The following GRIA4 variants were observed in gnomAD, a reference collection of about 807,000 sequenced individuals.
GRIA4 encodes the protein glutamate receptor 4.
In GRIA4, 34 loss-of-function variants were observed where a neutral mutation model predicts 104.0. That is an observed-to-expected ratio of 0.33 (90% CI 0.25 to 0.44). The LOEUF (loss-of-function observed/expected upper bound fraction) is 0.44. Among genes scored for constraint, GRIA4 ranks in the 20% least tolerant of loss-of-function variants. The pLI, the probability that GRIA4 is intolerant of heterozygous loss-of-function variation, is 1.00. For synonymous variants in GRIA4, 386 were observed against 381.9 expected, an observed-to-expected ratio of 1.01 and a Z score of -0.13; for missense variants, 750 against 1,096.5, an observed-to-expected ratio of 0.68 and a Z score of 4.46.
At chr11:105,883,588 C>T (rs1197710211) in intron 5 of GRIA4, among the ~76,000 whole-genome samples, 3 of 151,978 alleles carry the variant, frequency 2.0e-5, no homozygotes, top group Non-Finnish European at 4.4e-5. Context: ...CATCCATGTC[C>T]GTGCAAAGGA....
intron 14 of GRIA4, among the ~76,000 whole-genome samples, chr11:105,948,693 C>T (rs1305329514): frequency 6.8e-6 from 1 of 147,818 alleles, no homozygotes; most frequent in Non-Finnish European, 1.5e-5. Flanking sequence ...GCAACCTCCG[C>T]CTCCCGGGTG....
At chr11:105,864,028 A>G (rs1421312117) in intron 5 of GRIA4, among the ~76,000 whole-genome samples, 1 of 152,212 alleles carries the variant, frequency 6.6e-6, no homozygotes, top group Non-Finnish European at 1.5e-5. Flanking sequence ...GCCAAATTCT[A>G]AAAGGTTTCT....
intron 4 of GRIA4, among the ~76,000 whole-genome samples, chr11:105,791,695 C>T (rs546109922): frequency 6.6e-6 from 1 of 151,748 alleles, no homozygotes; most frequent in South Asian, 2.1e-4. Flanking sequence ...AAGGAATGAC[C>T]TAGCTCAACT....
intron 4 of GRIA4, among the ~76,000 whole-genome samples, chr11:105,766,907 C>G (rs1305532962): frequency 6.6e-6 from 1 of 152,144 alleles, no homozygotes; most frequent in Non-Finnish European, 1.5e-5. Flanking sequence ...GTGGCCCTCT[C>G]TGATGAACAC....
chr11:105,768,244 T>C (rs1941044237), intron 4 of GRIA4, among the ~76,000 whole-genome samples: 1 of 152,014 alleles, frequency 6.6e-6, no homozygotes, highest in Non-Finnish European at 1.5e-5. Flanking sequence ...AAGTAAAACA[T>C]ATGCATGTGC....
At chr11:105,917,994 A>G (rs1947459121) in intron 10 of GRIA4, among the ~76,000 whole-genome samples, 1 of 152,150 alleles carries the variant, frequency 6.6e-6, no homozygotes, top group Non-Finnish European at 1.5e-5. Flanking sequence ...GTGTATGCTC[A>G]TTACAACTGG....
chr11:105,904,389 A>G lies in GRIA4; in HGVS notation c.1053+408A>G, dbSNP rs368201667. Among the ~76,000 whole-genome samples, 22 of 152,310 alleles carry G rather than the reference A, an allele frequency of 1.4e-4. No homozygotes were observed. The East Asian group carries it at 3.7e-3, about 25-fold the overall frequency. ...GTTGGGGGCAGGTTTCAAATTGGCA[A>G]TTAAATTCTGTGGCTTGATAATATC... On this transcript the variant is annotated intron_variant, in intron 8 of 16. Transcript: ENST00000282499.
chr11:105,758,698 A>G lies in GRIA4; in HGVS notation c.487+5478A>G, dbSNP rs542150833. Among the ~76,000 whole-genome samples the G allele has an allele frequency of 3.9e-5, 6 of 152,308 alleles. No individual in the cohort carries two copies. The South Asian group carries it at 1.2e-3, about 32-fold the overall frequency. ...ACAGTATGAAACCTATGTCAAAAGT[A>G]TGCTTTACTTAACAGATGTGCTTTA... On this transcript the variant is annotated intron_variant, in intron 4 of 16. Coordinates refer to ENST00000282499, the MANE Select transcript of GRIA4 (RefSeq NM_000829.4).
intron 3 of GRIA4, among the ~76,000 whole-genome samples, chr11:105,745,724 CTAATA>C (rs781474379): frequency 6.6e-6 from 1 of 152,126 alleles, no homozygotes; most frequent in Non-Finnish European, 1.5e-5. Flanking sequence ...TAAAATATCA[CTAATA>C]TGAGGAGGAC....
At chr11:105,945,289 C>A (rs558326036) in intron 14 of GRIA4, among the ~76,000 whole-genome samples, 1 of 152,206 alleles carries the variant, frequency 6.6e-6, no homozygotes, top group Non-Finnish European at 1.5e-5. Flanking sequence ...TTTCCTCTTC[C>A]CCTTTGGCTT....
At chr11:105,843,665 CCTCAGTTCTAGCTAT>C (rs1944473006) in intron 4 of GRIA4, among the ~76,000 whole-genome samples, 1 of 152,146 alleles carries the variant, frequency 6.6e-6, no homozygotes, top group Non-Finnish European at 1.5e-5. Flanking sequence ...AGTTCCTGGC[CCTCAGTTCTAGCTAT>C]CTCAGAGAAT....
intron 4 of GRIA4, among the ~76,000 whole-genome samples, chr11:105,826,350 C>T (rs1401142959): frequency 1.3e-5 from 2 of 152,052 alleles, no homozygotes; most frequent in African/African-American, 2.4e-5. Context: ...CATCTGATTA[C>T]AAGCCAAATC....
At chr11:105,918,475 C>T (rs1947470889) in intron 10 of GRIA4, among the ~76,000 whole-genome samples, 1 of 152,070 alleles carries the variant, frequency 6.6e-6, no homozygotes, top group South Asian at 2.1e-4. Context: ...GTTTTTAATA[C>T]TTTCTCAAAT....
At chr11:105,664,500 A>G (rs1233510516) in intron 3 of GRIA4, among the ~76,000 whole-genome samples, 1 of 151,852 alleles carries the variant, frequency 6.6e-6, no homozygotes, top group East Asian at 1.9e-4. Flanking sequence ...AATTTCATGT[A>G]TAAATGAAGG....
At chr11:105,901,552 T>TTA (rs1176294489) in intron 7 of GRIA4, among the ~76,000 whole-genome samples, 1 of 152,200 alleles carries the variant, frequency 6.6e-6, no homozygotes, top group African/African-American at 2.4e-5. Context: ...GATTCCTGGA[T>TTA]TATAGCACAA....
rs768015113 is a variant in GRIA4, at chr11:105,723,453, G to A, written c.248-29528G>A. 5.9e-5 allele frequency among the ~76,000 whole-genome samples: 9 copies of A among 151,876 alleles called. No homozygotes were observed. The East Asian group carries it at 7.7e-4, about 13-fold the overall frequency. On this transcript the variant is annotated intron_variant, in intron 3 of 16. Coordinates refer to ENST00000282499, the MANE Select transcript of GRIA4 (RefSeq NM_000829.4). The stretch of plus-strand genomic sequence containing the variant: ...ATCAGCATATCTGATGTAAAATAAC[G>A]ATTGGTCAGCATTTATGGCAATTCA...
intron 7 of GRIA4, among the ~76,000 whole-genome samples, chr11:105,901,932 C>T (rs957695157): frequency 1.1e-4 from 16 of 151,990 alleles, no homozygotes; most frequent in Admixed American, 8.5e-4. Context: ...TTTTATTTCT[C>T]GTTTTTATTT....
chr11:105,954,526 ATTC>A (rs938742762), intron 14 of GRIA4, among the ~76,000 whole-genome samples: 97 of 152,238 alleles, frequency 6.4e-4, no homozygotes, highest in African/African-American at 2.3e-3. Flanking sequence ...TTTCTTTCAT[ATTC>A]TTTTCAATAA....
At chr11:105,923,503 T>C (rs1392233758) in intron 11 of GRIA4, among the ~76,000 whole-genome samples, 1 of 152,132 alleles carries the variant, frequency 6.6e-6, no homozygotes, top group South Asian at 2.1e-4. Context: ...TCAAAATATT[T>C]AGATCAGCAT....
Sources: allele counts gnomAD v4.1 joint callset (sites outside exome capture counted in the v4.1 genomes callset), GRCh38; gene constraint gnomAD v4.1.1; transcripts MANE v1.5; gene names NCBI Gene and HGNC (gene_info 2026-07-23, HGNC 2026-07-21).